The following EML2 variants were observed in gnomAD, a reference collection of about 807,000 sequenced individuals.
The protein encoded by EML2 is EMAP like 2.
Under a neutral mutation model 84.7 loss-of-function variants are expected in EML2, and 59 were observed. The ratio of observed to expected loss-of-function variants is 0.70; its 90% CI spans 0.56 to 0.86. The LOEUF is 0.86. Among genes scored for constraint, EML2 ranks in the 40% least tolerant of loss-of-function variants. EML2 has a pLI of 0.00. For synonymous variants in EML2, 352 were observed against 348.9 expected, an observed-to-expected ratio of 1.01 and a Z score of -0.10; for missense variants, 818 against 855.6, an observed-to-expected ratio of 0.96 and a Z score of 0.55.
At chr19:45,639,182 C>T in intron 1 of EML2, 175 bp downstream of exon 1, 1 of 751,534 alleles carries the variant, frequency 1.3e-6, no homozygotes. Flanking sequence ...CCCAGCGCCC[C>T]CCACCCGCAG....
intron 7 of EML2, among the ~76,000 whole-genome samples, chr19:45,627,106 G>A (rs1444797080): frequency 6.6e-6 from 1 of 151,424 alleles, no homozygotes; most frequent in Non-Finnish European, 1.5e-5. Context: ...ATTACAGGCA[G>A]GTGCTACCAC....
chr19:45,643,142 C>A (rs1324264827), upstream of EML2, among the ~76,000 whole-genome samples: 1 of 152,216 alleles, frequency 6.6e-6, no homozygotes, highest in Non-Finnish European at 1.5e-5. Flanking sequence ...CATCCTCCGA[C>A]GAAGATTCTG....
chr19:45,610,875 C>T (rs570521651), intron 18 of EML2, among the ~76,000 whole-genome samples: 40 of 152,158 alleles, frequency 2.6e-4, no homozygotes, highest in Non-Finnish European at 5.1e-4. Flanking sequence ...AGCAGGGCAA[C>T]TGAATTGGTT....
chr19:45,641,998 A>AT, upstream of EML2: 3 of 1,446,414 alleles, frequency 2.1e-6, no homozygotes, highest in Non-Finnish European at 2.7e-6. Context: ...GTCCCGAGCC[A>AT]TTAAGGGGCG....
chr19:45,617,736 G>A (rs1971255255), intron 12 of EML2, 39 bp from the exon 13 acceptor site: 1 of 1,591,118 alleles, frequency 6.3e-7, no homozygotes, highest in African/African-American at 1.3e-5. Context: ...TCAGAGCTGG[G>A]GTCCCATGTC....
rs758128614 is a variant in EML2, at chr19:45,638,867, G to A, written c.27C>T (p.Thr9=). The A allele has an allele frequency of 1.9e-6, 3 of 1,613,338 alleles. No individual in the cohort carries two copies. The highest frequency in any genetic ancestry group is 1.3e-5 in the African/African-American group (1 of 74,706). MSSFGAGK[T]KEVIFSVEDG... ...CACCCACACTGAAGATAACTTCTTTGGTTTTGCTGTCAGGAAAGGACAAAG... is the reference window on the plus strand; with the variant it reads ...CACCCACACTGAAGATAACTTCTTTAGTTTTGCTGTCAGGAAAGGACAAAG... Residue 9 remains threonine (T), a synonymous_variant, in exon 2 of 19, where the codon ACC becomes ACT. Transcript: ENST00000245925.
chr19:45,628,067 C>CA (rs1257509086), intron 7 of EML2, among the ~76,000 whole-genome samples: 11 of 147,800 alleles, frequency 7.4e-5, no homozygotes, highest in Admixed American at 7.4e-4. Flanking sequence ...CTCCGTCTCA[C>CA]AAAAAAAGTG....
At chr19:45,645,033 C>T, upstream of EML2, 1 of 589,302 alleles carries the variant, frequency 1.7e-6, no homozygotes, top group African/African-American at 1.9e-5. Context: ...GGTTCTGCCC[C>T]CTTCTCTCCT....
chr19:45,618,446 C>T (rs886184586), intron 12 of EML2, among the ~76,000 whole-genome samples: 1 of 152,012 alleles, frequency 6.6e-6, no homozygotes, highest in Non-Finnish European at 1.5e-5. Flanking sequence ...CCCTATGGGA[C>T]AGTGTAGCTC....
chr19:45,642,628 CTG>C, upstream of EML2: 1 of 937,880 alleles, frequency 1.1e-6, no homozygotes, highest in Non-Finnish European at 1.4e-6. Flanking sequence ...TTCTAAGAGT[CTG>C]TGAACCCAGG....
chr19:45,614,379 G>C (rs1180433402), intron 17 of EML2, among the ~76,000 whole-genome samples: 5 of 152,238 alleles, frequency 3.3e-5, no homozygotes, highest in African/African-American at 9.6e-5. Context: ...GGCACCGGCA[G>C]TGTGGATCTC....
intron 9 of EML2, among the ~76,000 whole-genome samples, chr19:45,622,250 G>A (rs751449195): frequency 2.4e-4 from 36 of 151,350 alleles, no homozygotes; most frequent in African/African-American, 7.3e-4. Flanking sequence ...GAACACTATC[G>A]ACTCATCCAT....
chr19:45,623,839 C>T (rs1043162795), intron 9 of EML2, among the ~76,000 whole-genome samples: 5 of 152,200 alleles, frequency 3.3e-5, no homozygotes, highest in Admixed American at 1.3e-4. Flanking sequence ...GCGTGAGCCA[C>T]CGCACCCAGC....
upstream of EML2, chr19:45,644,848 C>T (rs1284194956): frequency 2.2e-6 from 1 of 455,548 alleles, no homozygotes; most frequent in African/African-American, 2.0e-5. Flanking sequence ...CCGTCCCTTT[C>T]CAGTCCCACA....
At chr19:45,617,777 G>T in intron 12 of EML2, 80 bp from the exon 13 acceptor site, 1 of 1,337,320 alleles carries the variant, frequency 7.5e-7, no homozygotes, top group Non-Finnish European at 1.0e-6. Context: ...TCAGGGCCAA[G>T]TCTAATCTTT....
intron 7 of EML2, among the ~76,000 whole-genome samples, chr19:45,627,800 G>A (rs556692734): frequency 1.3e-5 from 2 of 151,996 alleles, no homozygotes; most frequent in Admixed American, 6.6e-5. Context: ...GGTGGTTCAC[G>A]CCTGTAATCC....
upstream of EML2, chr19:45,645,364 C>T (rs1215907348): frequency 3.9e-6 from 6 of 1,527,042 alleles, no homozygotes; most frequent in South Asian, 3.6e-5. Context: ...CACCGCCGGC[C>T]CCCCCGGTCC....
At chr19:45,636,101 G>A (rs139940924) in intron 3 of EML2, among the ~76,000 whole-genome samples, 7 of 152,198 alleles carry the variant, frequency 4.6e-5, no homozygotes, top group Non-Finnish European at 1.0e-4. Context: ...TTCCCAAATA[G>A]CTGAGACTAC....
chr19:45,637,656 C>A, intron 3 of EML2, among the ~76,000 whole-genome samples: 1 of 98,854 alleles, frequency 1.0e-5, no homozygotes, highest in Admixed American at 1.1e-4. Context: ...TTTTTTTTTT[C>A]TTTTTCTTTT....
Sources: gnomAD v4.1 joint callset for allele counts (sites outside exome capture counted in the v4.1 genomes callset) on GRCh38, gnomAD v4.1.1 for gene constraint, MANE v1.5 for transcripts, NCBI Gene and HGNC (gene_info 2026-07-23, HGNC 2026-07-21) for gene names.